Variants in HPS4 observed in about 807,000 individuals in gnomAD.
The protein encoded by HPS4 is HPS4 biogenesis of lysosomal organelles complex 3 subunit 2, also known as BLOC-3 complex member HPS4.
A neutral mutation model predicts 70.3 loss-of-function variants in HPS4; 44 were observed. The observed-to-expected ratio is 0.63, with a 90% CI of 0.49 to 0.80. HPS4 has a LOEUF of 0.80. Ranked by LOEUF, HPS4 falls within the 30% of genes least tolerant of loss-of-function variation. The pLI, the probability that HPS4 is intolerant of heterozygous loss-of-function variation, is 0.00. For missense variants in HPS4, 873 were observed against 884.4 expected (o/e 0.99, Z 0.16); for synonymous variants, 377 against 355.9 (o/e 1.06, Z -0.67).
At position 26,463,948 on chromosome 22, in the gene HPS4, A is replaced by G; in HGVS notation, c.1682T>C (p.Leu561Pro). The change falls in exon 11 of 14, where the codon CTG (leucine) becomes CCG (proline). Residue 561 changes from leucine to proline, a missense_variant. Coordinates refer to ENST00000398145, the MANE Select transcript of HPS4 (RefSeq NM_022081.6). ...LVLSLLAEEPLLGDSAAIEEV... is the reference protein window; with the variant it reads ...LVLSLLAEEPPLGDSAAIEEV... ...CTCTATGGCTGCGCTGTCTCCCAGC[A>G]GCGGCTCCTCAGCCAGCAGGGACAG... The G allele has an allele frequency of 6.2e-7, 1 of 1,613,936 alleles. No homozygotes were observed. Among genetic ancestry groups the G allele is most frequent in the African/African-American group, 1.3e-5 (1 of 75,060 alleles).
At chr22:26,443,169 G>T (rs900341210), downstream of HPS4, 1 of 1,613,980 alleles carries the variant, frequency 6.2e-7, no homozygotes, top group African/African-American at 1.3e-5. Context: ...GCGGCCGAAC[G>T]GCAGGCTCTT....
downstream of HPS4, among the ~76,000 whole-genome samples, chr22:26,450,661 G>A (rs554259772): frequency 7.0e-4 from 107 of 152,306 alleles, no homozygotes; most frequent in Non-Finnish European, 1.1e-3. Flanking sequence ...GAGGGACCTG[G>A]TGGGAGGTAA....
At chr22:26,479,770 A>G in intron 2 of HPS4, 1 of 775,620 alleles carries the variant, frequency 1.3e-6, no homozygotes, top group African/African-American at 1.9e-5. Context: ...AAAGATTTCC[A>G]GAAACAGCCC....
chr22:26,480,030 T>C (rs1234034350), intron 2 of HPS4, among the ~76,000 whole-genome samples: 1 of 152,238 alleles, frequency 6.6e-6, no homozygotes, highest in East Asian at 1.9e-4. Flanking sequence ...CCCAGAGATA[T>C]CTCTTTGTTC....
At chr22:26,468,723 G>A (rs768178204) in intron 7 of HPS4, 100 bp from the exon 8 acceptor site, 1 of 1,116,734 alleles carries the variant, frequency 9.0e-7, no homozygotes, top group Non-Finnish European at 1.3e-6. Flanking sequence ...CGAGGATCTT[G>A]GGGACTTGGC....
rs767568480 is a variant in HPS4, at chr22:26,466,144, T to C, written c.706+82A>G. On this transcript the variant is annotated intron_variant, in intron 9 of 13. Transcript: ENST00000398145. ...GGAAATAAACATGCAGATGGCTTGG[T>C]TTCCTTCGCATAACTTGTACAGGGG... is the stretch of plus-strand genomic sequence containing the variant. 4 of 1,612,496 alleles carry C rather than the reference T, an allele frequency of 2.5e-6. No individual in the cohort carries two copies. In the African/African-American group the frequency reaches 4.0e-5, roughly 16 times the overall value.
intron 9 of HPS4, chr22:26,465,818 A>G: frequency 1.8e-6 from 1 of 555,898 alleles, no homozygotes; most frequent in East Asian, 3.2e-5. Context: ...CTTTTACAAG[A>G]AGAAGATATA....
intron 11 of HPS4, among the ~76,000 whole-genome samples, chr22:26,458,806 G>A (rs1342941273): frequency 6.7e-6 from 1 of 149,908 alleles, no homozygotes; most frequent in Non-Finnish European, 1.5e-5. Flanking sequence ...GGGTGATAGA[G>A]TGAGACTCTG....
chr22:26,453,581 C>A (rs2085563858), intron 13 of HPS4, 177 bp from the exon 14 acceptor site: 8 of 693,046 alleles, frequency 1.2e-5, no homozygotes, highest in Non-Finnish European at 1.5e-5. Flanking sequence ...AGTGCCAATA[C>A]CATCTTTCCT....
At chr22:26,476,907 A>C in intron 4 of HPS4, 86 bp downstream of exon 4, 2 of 1,447,700 alleles carry the variant, frequency 1.4e-6, no homozygotes, top group Non-Finnish European at 1.9e-6. Flanking sequence ...GGGGGCAGAT[A>C]ATTCTAAATT....
chr22:26,474,860 G>A (rs2090309462), intron 4 of HPS4, among the ~76,000 whole-genome samples: 1 of 152,204 alleles, frequency 6.6e-6, no homozygotes, highest in African/African-American at 2.4e-5. Context: ...GGGAAGTGAA[G>A]ACTAAAACCA....
rs771282968 is a variant in HPS4 at position 26,470,742 on chromosome 22, A to C, written c.573T>G (p.Ala191=). ...QTCQRSPHIL[A]GCILYKGLIV... ...ACAGTCCTTTATAGAGGATGCAGCC[A>C]GCGAGAATGTGAGGCGAGCGCTGGC... Residue 191 remains alanine (A), a synonymous_variant, in exon 7 of 14, where the codon GCT becomes GCG. Coordinates refer to ENST00000398145, the MANE Select transcript of HPS4 (RefSeq NM_022081.6). 1.2e-6 allele frequency: 2 copies of C among 1,614,068 alleles called. No homozygotes were observed. Among genetic ancestry groups the C allele is most frequent in the African/African-American group, 2.7e-5 (2 of 74,940 alleles).
chr22:26,479,685 A>G, intron 2 of HPS4: 2 of 1,155,820 alleles, frequency 1.7e-6, no homozygotes, highest in South Asian at 4.9e-5. Flanking sequence ...ATGGTCTGAT[A>G]CGCTGTCTTT....
chr22:26,463,812 G>T, intron 11 of HPS4, 105 bp downstream of exon 11: 2 of 1,214,238 alleles, frequency 1.6e-6, no homozygotes, highest in Non-Finnish European at 1.2e-6. Flanking sequence ...ACAACTGAGG[G>T]CTGAGCCTTT....
rs990920284 is a variant in HPS4 at position 26,470,292 on chromosome 22, G to A, written c.596+427C>T. On this transcript the variant is annotated intron_variant, in intron 7 of 13. Coordinates refer to ENST00000398145, the MANE Select transcript of HPS4 (RefSeq NM_022081.6). Reference sequence around the variant, plus strand: ...GAGGCTTGAAGGCAGCTGGATAAGGGCCTGTAAGGCTGCTTTGCAGAGCTG... The same window carrying A: ...GAGGCTTGAAGGCAGCTGGATAAGGACCTGTAAGGCTGCTTTGCAGAGCTG... Among the ~76,000 whole-genome samples the A allele has an allele frequency of 2.6e-5, 4 of 152,228 alleles. No individual in the cohort carries two copies. The East Asian group carries it at 5.8e-4, about 22-fold the overall frequency.
At chr22:26,443,482 G>A, downstream of HPS4, 1 of 342,414 alleles carries the variant, frequency 2.9e-6, no homozygotes, top group Non-Finnish European at 5.4e-6. Flanking sequence ...CCTTTGATTG[G>A]TCCTTGAGTG....
In HPS4 at chr22:26,468,618, A is replaced by G. The variant is rs562804736; in HGVS notation, c.602T>C (p.Val201Ala). 2.5e-6 allele frequency: 4 copies of G among 1,613,870 alleles called. No individual in the cohort carries two copies. Among genetic ancestry groups the G allele is most frequent in the Admixed American group, 1.7e-5 (1 of 60,004 alleles). ...AGCILYKGLI[V>A]STQLPPSLTA... The stretch of plus-strand genomic sequence containing the variant: ...GAGGGAGGGCGGGAGTTGGGTGCTG[A>G]CAATCCTAGGAGGTCACACACAGAA... Residue 201 changes from valine (V) to alanine (A), a missense_variant, in exon 8 of 14, where the codon GTC becomes GCC. Val to Ala is a moderately conservative substitution (Grantham distance 64). Transcript: ENST00000398145.
In HPS4 at chr22:26,469,263, A is replaced by G. The variant is rs543329898; in HGVS notation, c.597-640T>C. 2.2e-5 allele frequency among the ~76,000 whole-genome samples: 3 copies of G among 134,816 alleles called. No homozygotes were observed. In the South Asian group the frequency reaches 7.6e-4, roughly 34 times the overall value. The allele number at this position is 134,816 out of a possible 152,430, so 88.4% of individuals were successfully genotyped here. On this transcript the variant is annotated intron_variant, in intron 7 of 13. Coordinates refer to ENST00000398145, the MANE Select transcript of HPS4 (RefSeq NM_022081.6). Reference sequence around the variant, plus strand: ...GGAGTTTGAGACCTCCATGAGCAACATAGTGAGATCCCATCTCTACAAAAA... The same window carrying G: ...GGAGTTTGAGACCTCCATGAGCAACGTAGTGAGATCCCATCTCTACAAAAA...
At chr22:26,469,631 G>C (rs930512883) in intron 7 of HPS4, among the ~76,000 whole-genome samples, 1 of 149,692 alleles carries the variant, frequency 6.7e-6, no homozygotes, top group Non-Finnish European at 1.5e-5. Context: ...GCTGAGGATC[G>C]CTTGAAGCCA....
Sources: gnomAD v4.1 joint callset for allele counts (sites outside exome capture counted in the v4.1 genomes callset) on GRCh38, gnomAD v4.1.1 for gene constraint, MANE v1.5 for transcripts, NCBI Gene and HGNC (gene_info 2026-07-23, HGNC 2026-07-21) for gene names.